TPD52L1: variants seen among roughly 807,000 people sequenced by gnomAD.
The protein encoded by TPD52L1 is TPD52 like 1, also known as tumor protein D53.
A neutral mutation model predicts 28.7 loss-of-function variants in TPD52L1; 18 were observed. The observed-to-expected ratio is 0.63, with a 90% CI of 0.43 to 0.93. The LOEUF (loss-of-function observed/expected upper bound fraction) is 0.93, where lower values mean the gene tolerates loss of function less well. Among genes scored for constraint, TPD52L1 ranks in the 40% least tolerant of loss-of-function variants. The pLI is 0.00. For synonymous variants in TPD52L1, 75 were observed against 88.8 expected (o/e 0.84, Z 0.88); for missense variants, 203 against 254.8 (o/e 0.80, Z 1.39).
intron 1 of TPD52L1, among the ~76,000 whole-genome samples, chr6:125,191,792 C>T (rs986912674): frequency 6.6e-6 from 1 of 152,094 alleles, no homozygotes; most frequent in African/African-American, 2.4e-5. Flanking sequence ...GTTTTTTCTC[C>T]CCCTCCCTTC....
chr6:125,207,073 G>A (rs1794199031), intron 1 of TPD52L1, among the ~76,000 whole-genome samples: 1 of 152,130 alleles, frequency 6.6e-6, no homozygotes. Flanking sequence ...TTGTCTTAGG[G>A]GATTAATTCA....
intron 1 of TPD52L1, among the ~76,000 whole-genome samples, chr6:125,206,106 T>C (rs1017434439): frequency 2.0e-5 from 3 of 152,228 alleles, no homozygotes; most frequent in African/African-American, 7.2e-5. Context: ...AGGCTGAGCA[T>C]TGCAGACATA....
chr6:125,229,871 G>A (rs1795838839), intron 3 of TPD52L1, among the ~76,000 whole-genome samples: 1 of 152,128 alleles, frequency 6.6e-6, no homozygotes, highest in South Asian at 2.1e-4. Flanking sequence ...TGGATCACAA[G>A]GTCAGGAGAT....
At chr6:125,180,039 C>T (rs898415830) in intron 1 of TPD52L1, among the ~76,000 whole-genome samples, 13 of 152,120 alleles carry the variant, frequency 8.5e-5, no homozygotes, top group Non-Finnish European at 1.8e-4. Context: ...CATCACTGGA[C>T]GGAACTCTGA....
chr6:125,159,169 A>G (rs1471549103), intron 1 of TPD52L1, among the ~76,000 whole-genome samples: 1 of 152,212 alleles, frequency 6.6e-6, no homozygotes, highest in Non-Finnish European at 1.5e-5. Flanking sequence ...ATAGCCTGTA[A>G]TGCTGTTTGG....
intron 1 of TPD52L1, among the ~76,000 whole-genome samples, chr6:125,162,932 A>C (rs746738287): frequency 1.6e-4 from 25 of 152,232 alleles, no homozygotes; most frequent in Admixed American, 9.2e-4. Flanking sequence ...TTTTATAAAC[A>C]GGGAACTACG....
intron 1 of TPD52L1, among the ~76,000 whole-genome samples, chr6:125,177,388 C>T (rs1791889382): frequency 6.6e-6 from 1 of 152,162 alleles, no homozygotes; most frequent in East Asian, 1.9e-4. Flanking sequence ...TCAACTCTCA[C>T]AGCATTTTTA....
At chr6:125,221,645 ATAC>A (rs1198317911) in intron 2 of TPD52L1, among the ~76,000 whole-genome samples, 3 of 152,206 alleles carry the variant, frequency 2.0e-5, no homozygotes, top group Non-Finnish European at 4.4e-5. Flanking sequence ...AGTGAGCATG[ATAC>A]TACTTTTATA....
At chr6:125,162,638 T>C (rs546057649) in intron 1 of TPD52L1, among the ~76,000 whole-genome samples, 3 of 152,330 alleles carry the variant, frequency 2.0e-5, no homozygotes, top group African/African-American at 7.2e-5. Flanking sequence ...AATTCTGACA[T>C]GTTACTTACC....
chr6:125,222,023 T>G (rs969368264), intron 2 of TPD52L1: 1 of 152,254 alleles, frequency 6.6e-6, no homozygotes, highest in African/African-American at 2.4e-5. Flanking sequence ...GCGATTTTTC[T>G]TCTTCACATT....
chr6:125,206,570 A>T (rs1357503235), intron 1 of TPD52L1, among the ~76,000 whole-genome samples: 1 of 152,168 alleles, frequency 6.6e-6, no homozygotes, highest in Admixed American at 6.5e-5. Flanking sequence ...TGACTGAGGA[A>T]TGCTGTGTGT....
At chr6:125,169,598 A>T (rs1248712674) in intron 1 of TPD52L1, among the ~76,000 whole-genome samples, 1 of 152,168 alleles carries the variant, frequency 6.6e-6, no homozygotes, top group Non-Finnish European at 1.5e-5. Flanking sequence ...CCAGTCTGTC[A>T]TGCCAGCTCT....
intron 1 of TPD52L1, among the ~76,000 whole-genome samples, chr6:125,215,898 A>G (rs1794833479): frequency 6.6e-6 from 1 of 152,148 alleles, no homozygotes; most frequent in Admixed American, 6.5e-5. Flanking sequence ...TTCTCACGTT[A>G]TGAAGATAGG....
intron 1 of TPD52L1, among the ~76,000 whole-genome samples, chr6:125,196,890 A>G (rs939313427): frequency 1.3e-5 from 2 of 152,202 alleles, no homozygotes; most frequent in African/African-American, 2.4e-5. Context: ...CTCCCATAGT[A>G]TCAAAAGTGT....
At chr6:125,181,397 T>C (rs901827294) in intron 1 of TPD52L1, among the ~76,000 whole-genome samples, 1 of 152,166 alleles carries the variant, frequency 6.6e-6, no homozygotes, top group African/African-American at 2.4e-5. Flanking sequence ...TTTGAGGGGT[T>C]TGGCGATGGT....
intron 2 of TPD52L1, among the ~76,000 whole-genome samples, chr6:125,224,846 T>C (rs1203022595): frequency 1.3e-5 from 2 of 152,224 alleles, no homozygotes; most frequent in Non-Finnish European, 2.9e-5. Flanking sequence ...TCAGACTAGT[T>C]AGTTCACTTT....
At chr6:125,166,498 T>G (rs1790911238) in intron 1 of TPD52L1, among the ~76,000 whole-genome samples, 2 of 152,160 alleles carry the variant, frequency 1.3e-5, no homozygotes, top group Admixed American at 1.3e-4. Flanking sequence ...TTATTTAAAA[T>G]GATTGGAAGG....
intron 5 of TPD52L1, 54 bp from the exon 6 acceptor site, chr6:125,257,041 ATGG>A (rs1170973535): frequency 1.3e-6 from 2 of 1,493,156 alleles, no homozygotes; most frequent in African/African-American, 2.8e-5. Flanking sequence ...ACCAAACAGC[ATGG>A]TTGCTAAGAC....
chr6:125,234,527 C>T (rs1168866966), intron 3 of TPD52L1: 1 of 152,168 alleles, frequency 6.6e-6, no homozygotes, highest in Admixed American at 6.6e-5. Flanking sequence ...CCTGCTTTTA[C>T]TTAAGGAAAA....
Sources: allele counts gnomAD v4.1 joint callset (sites outside exome capture counted in the v4.1 genomes callset), GRCh38; gene constraint gnomAD v4.1.1; transcripts MANE v1.5; gene names NCBI Gene and HGNC (gene_info 2026-07-23, HGNC 2026-07-21).